Variants in NLGN1 observed in about 807,000 individuals in gnomAD.
NLGN1 encodes neuroligin-1.
In NLGN1, 12 loss-of-function variants were observed where a neutral mutation model predicts 65.5. The ratio of observed to expected loss-of-function variants is 0.18; its 90% CI spans 0.12 to 0.30. The LOEUF (loss-of-function observed/expected upper bound fraction) is 0.30. Among genes scored for constraint, NLGN1 ranks in the 10% least tolerant of loss-of-function variants. The pLI is 1.00. For synonymous variants in NLGN1, 350 were observed against 359.5 expected (o/e 0.97, Z 0.30); for missense variants, 750 against 1,007.1 (o/e 0.74, Z 3.46).
intron 2 of NLGN1, among the ~76,000 whole-genome samples, chr3:173,473,911 A>G (rs1056080422): frequency 3.9e-5 from 6 of 152,162 alleles, no homozygotes; most frequent in Non-Finnish European, 7.4e-5. Context: ...CTGAAAATTA[A>G]GAATGTTGGT....
At chr3:173,971,645 A>G (rs1716259850) in intron 4 of NLGN1, among the ~76,000 whole-genome samples, 1 of 152,030 alleles carries the variant, frequency 6.6e-6, no homozygotes, top group African/African-American at 2.4e-5. Context: ...GCATCAAACC[A>G]CTAAGATGAC....
chr3:173,918,834 A>C (rs1741347849), intron 4 of NLGN1, among the ~76,000 whole-genome samples: 2 of 151,916 alleles, frequency 1.3e-5, no homozygotes, highest in South Asian at 4.2e-4. Context: ...TAAATTTATT[A>C]TTTTATAGTC....
intron 2 of NLGN1, among the ~76,000 whole-genome samples, chr3:173,594,214 C>T (rs1430932978): frequency 6.6e-6 from 1 of 152,194 alleles, no homozygotes. Flanking sequence ...AGGCAAGCCC[C>T]TTCCAGCTAA....
rs1553822138 is a variant in NLGN1, at chr3:173,730,331, C to CCCG, written c.494-77347_494-77345dup. 1.5e-5 allele frequency among the ~76,000 whole-genome samples: 2 copies of CCCG among 130,794 alleles called. 1 individual carries two copies. The highest frequency in any genetic ancestry group is 5.7e-5 in the African/African-American group (2 of 35,156). The allele number at this position is 130,794 out of a possible 152,430, so 85.8% of individuals were successfully genotyped here. ...ACTACTGCCCCACCGCTCCCCCCCC[C>CCCG]CCGCAAAAATAGAATGAAAGCTACA... On this transcript the variant is annotated intron_variant, in intron 3 of 6. Coordinates refer to ENST00000457714, the Ensembl canonical transcript of NLGN1.
intron 3 of NLGN1, chr3:173,644,149 T>G (rs551959742): frequency 2.0e-4 from 31 of 152,528 alleles, no homozygotes; most frequent in African/African-American, 7.0e-4. Context: ...CAATGTCCAC[T>G]GAACTACCAG....
At chr3:173,792,785 T>G (rs1253304855) in intron 3 of NLGN1, among the ~76,000 whole-genome samples, 2 of 152,192 alleles carry the variant, frequency 1.3e-5, no homozygotes, top group Non-Finnish European at 2.9e-5. Context: ...AGTGGAACAA[T>G]GAAAGTCATG....
intron 4 of NLGN1, among the ~76,000 whole-genome samples, chr3:173,892,576 A>AT (rs1038616810): frequency 1.1e-4 from 5 of 46,094 alleles, no homozygotes; most frequent in African/African-American, 7.4e-4. Flanking sequence ...AAGGCAAACT[A>AT]AAAAAAAAAA....
intron 4 of NLGN1, among the ~76,000 whole-genome samples, chr3:174,145,403 C>G (rs567830414): frequency 4.1e-4 from 63 of 152,076 alleles, no homozygotes; most frequent in Admixed American, 1.6e-3. Context: ...GTTCCAGTTA[C>G]TCAGAAGGCT....
At chr3:174,147,304 A>G (rs1209833633) in intron 4 of NLGN1, among the ~76,000 whole-genome samples, 1 of 151,808 alleles carries the variant, frequency 6.6e-6, no homozygotes, top group East Asian at 1.9e-4. Flanking sequence ...GGCCCCACCT[A>G]CAGGTCTACC....
At chr3:173,820,249 G>C (rs1720009168) in intron 4 of NLGN1, among the ~76,000 whole-genome samples, 1 of 150,760 alleles carries the variant, frequency 6.6e-6, no homozygotes, top group African/African-American at 2.4e-5. Flanking sequence ...TGGCAAGAAA[G>C]TCTCCTGGAT....
rs528160819 is a variant in NLGN1, at chr3:174,048,295, C to T, written c.647-227020C>T. ...GGACCAGTCACTTGCCCTTTATAAG[C>T]TTTAGTTTAGTTTCTAAGTTTAGTT... On this transcript the variant is annotated intron_variant, in intron 4 of 6. Coordinates refer to ENST00000457714, the Ensembl canonical transcript of NLGN1. Among the ~76,000 whole-genome samples the T allele has an allele frequency of 5.3e-5, 8 of 152,072 alleles. No homozygotes were observed. In the East Asian group the frequency reaches 9.7e-4, roughly 18 times the overall value.
intron 2 of NLGN1, among the ~76,000 whole-genome samples, chr3:173,464,077 G>A (rs1283745427): frequency 1.3e-5 from 2 of 151,814 alleles, no homozygotes; most frequent in East Asian, 1.9e-4. Context: ...GAGAATTACT[G>A]CTTTAAGCAT....
intron 4 of NLGN1, among the ~76,000 whole-genome samples, chr3:174,055,474 G>A (rs1188529889): frequency 6.6e-6 from 1 of 152,028 alleles, no homozygotes; most frequent in Admixed American, 6.6e-5. Flanking sequence ...CTTGTCTTAT[G>A]TGACTAGAAT....
chr3:173,654,893 G>A (rs766374770), intron 3 of NLGN1, among the ~76,000 whole-genome samples: 2 of 152,030 alleles, frequency 1.3e-5, no homozygotes, highest in African/African-American at 2.4e-5. Context: ...TTAGCATTGC[G>A]TTTTTCAGTC....
At chr3:174,095,360 A>T (rs1057119567) in intron 4 of NLGN1, among the ~76,000 whole-genome samples, 1 of 152,040 alleles carries the variant, frequency 6.6e-6, no homozygotes, top group African/African-American at 2.4e-5. Context: ...CAGCCCTCAC[A>T]TATCTTATAT....
chr3:173,737,613 A>G (rs1390028853), intron 3 of NLGN1, among the ~76,000 whole-genome samples: 1 of 152,112 alleles, frequency 6.6e-6, no homozygotes, highest in Non-Finnish European at 1.5e-5. Context: ...TTGCACAATA[A>G]TATTACATTG....
intron 4 of NLGN1, among the ~76,000 whole-genome samples, chr3:173,987,918 C>A (rs1250699776): frequency 6.6e-6 from 1 of 152,094 alleles, no homozygotes; most frequent in Non-Finnish European, 1.5e-5. Flanking sequence ...AAATGCCTTT[C>A]CTTATCAATG....
intron 4 of NLGN1, among the ~76,000 whole-genome samples, chr3:173,848,729 T>G (rs774246207): frequency 3.3e-5 from 5 of 152,200 alleles, no homozygotes; most frequent in Non-Finnish European, 7.4e-5. Context: ...GCTTGTTGAT[T>G]TTCCTAGCTA....
chr3:173,969,651 C>G lies in NLGN1; in HGVS notation c.646+161819C>G, dbSNP rs1277197463. ...GGTATAGTCAGTTCAGGGCTGGATT[C>G]TATGATGACTATCTGGAATGCCAAT... On this transcript the variant is annotated intron_variant, in intron 4 of 6. Coordinates refer to ENST00000457714, the Ensembl canonical transcript of NLGN1. Among the ~76,000 whole-genome samples the G allele has an allele frequency of 2.0e-5, 3 of 152,138 alleles. No homozygotes were observed. In the East Asian group the frequency reaches 5.8e-4, roughly 29 times the overall value.
Sources: gnomAD v4.1 joint callset for allele counts (sites outside exome capture counted in the v4.1 genomes callset) on GRCh38, gnomAD v4.1.1 for gene constraint, MANE v1.5 for transcripts, NCBI Gene and HGNC (gene_info 2026-07-23, HGNC 2026-07-21) for gene names.